CSMD3: variants seen among roughly 807,000 people sequenced by gnomAD.
The protein encoded by CSMD3 is CUB and Sushi multiple domains 3, also known as CUB and sushi domain-containing protein 3.
CSMD3 carries 177 observed loss-of-function variants against 435.2 expected under a neutral mutation model. The observed-to-expected ratio is 0.41, with a 90% confidence interval of 0.36 to 0.46. CSMD3 has a LOEUF of 0.46. CSMD3 is among the 20% of genes least tolerant of loss of function. The probability of loss-of-function intolerance (pLI) is 0.34; values close to 1 mark genes in which losing one functional copy is unlikely to be tolerated. For synonymous variants in CSMD3, 1,656 were observed against 1,520.5 expected (o/e 1.09, Z -2.07); for missense variants, 4,265 against 4,504.6 (o/e 0.95, Z 1.52).
chr8:113,148,399 C>T (rs141865202), intron 4 of CSMD3, among the ~76,000 whole-genome samples: 7 of 151,796 alleles, frequency 4.6e-5, no homozygotes, highest in African/African-American at 1.7e-4. Context: ...GTTATATGCT[C>T]TCGTAGAATA....
intron 58 of CSMD3, among the ~76,000 whole-genome samples, chr8:112,284,336 A>C (rs892292799): frequency 6.6e-6 from 1 of 151,828 alleles, no homozygotes; most frequent in Admixed American, 6.6e-5. Flanking sequence ...TTTTATTATA[A>C]ATTATTAAAG....
Position 112,991,529 on chromosome 8 carries a change from T to G in CSMD3, c.1031-15381A>C, listed in dbSNP as rs2085456299. Among the ~76,000 whole-genome samples the G allele has an allele frequency of 5.9e-5, 9 of 152,030 alleles. No individual in the cohort carries two copies. The South Asian group carries it at 1.9e-3, about 32-fold the overall frequency. On this transcript the variant is annotated intron_variant, in intron 6 of 70. Transcript: ENST00000297405. ...TTAAATATCACCGAATCTGTGCAGT[T>G]CTTGCTTTCCTGATAGAAAGAATAA...
chr8:113,376,718 C>G (rs772111838), intron 1 of CSMD3: 5 of 1,613,850 alleles, frequency 3.1e-6, no homozygotes, highest in Non-Finnish European at 4.2e-6. Context: ...CGCAAGGAGC[C>G]TAAGAGCCAG....
chr8:112,865,332 A>G (rs1001286032), intron 10 of CSMD3, among the ~76,000 whole-genome samples: 45 of 152,134 alleles, frequency 3.0e-4, no homozygotes, highest in Non-Finnish European at 1.5e-4. Context: ...CACAGAATAT[A>G]TCAACTGAGA....
At chr8:112,656,058 A>T in intron 18 of CSMD3, 96 bp downstream of exon 18, 1 of 696,328 alleles carries the variant, frequency 1.4e-6, no homozygotes, top group South Asian at 1.7e-5. Context: ...TTTGATTTAA[A>T]ATAAATAGAG....
intron 1 of CSMD3, among the ~76,000 whole-genome samples, chr8:113,342,459 G>C (rs1417141791): frequency 6.6e-6 from 1 of 152,052 alleles, no homozygotes; most frequent in South Asian, 2.1e-4. Context: ...AGAAAAAACT[G>C]CAATAAAATT....
intron 12 of CSMD3, among the ~76,000 whole-genome samples, chr8:112,816,767 C>A (rs1056630397): frequency 1.3e-5 from 2 of 151,712 alleles, no homozygotes; most frequent in Non-Finnish European, 2.9e-5. Flanking sequence ...ACAGAACTAT[C>A]TTTTCCATAA....
chr8:113,305,567 A>G (rs561864502), intron 2 of CSMD3, among the ~76,000 whole-genome samples: 1 of 152,182 alleles, frequency 6.6e-6, no homozygotes, highest in African/African-American at 2.4e-5. Flanking sequence ...TTTTAACCCC[A>G]GTTTTAATGG....
intron 13 of CSMD3, among the ~76,000 whole-genome samples, chr8:112,794,285 CTTTTTTTTTT>C (rs1203991072): frequency 3.1e-5 from 3 of 96,304 alleles, no homozygotes; most frequent in Non-Finnish European, 6.1e-5. Context: ...GACTGATAAA[CTTTTTTTTTT>C]TTTTTTTTTT....
intron 6 of CSMD3, among the ~76,000 whole-genome samples, chr8:112,986,557 C>G (rs2085260912): frequency 6.6e-6 from 1 of 152,002 alleles, no homozygotes; most frequent in Admixed American, 6.6e-5. Flanking sequence ...AGTCTTCAAC[C>G]ATTTTAGTAT....
rs2092445181 is a variant in CSMD3, at chr8:113,182,966, G to A, written c.515-9050C>T. On this transcript the variant is annotated intron_variant, in intron 3 of 70. Transcript: ENST00000297405. Reference sequence around the variant, plus strand: ...AGACCTGGTGGAGCAGAAAACAGATGGTTACAATACATAACCCCATGTGGG... The same window carrying A: ...AGACCTGGTGGAGCAGAAAACAGATAGTTACAATACATAACCCCATGTGGG... Among the ~76,000 whole-genome samples the A allele has an allele frequency of 2.0e-5, 3 of 151,964 alleles. No homozygotes were observed. In the South Asian group the frequency reaches 6.2e-4, roughly 31 times the overall value.
chr8:113,091,618 TTC>T (rs1456132047), intron 5 of CSMD3, among the ~76,000 whole-genome samples: 1 of 152,026 alleles, frequency 6.6e-6, no homozygotes, highest in Non-Finnish European at 1.5e-5. Flanking sequence ...TTATAATGTT[TTC>T]TTTTTCATCT....
At position 112,223,347 on chromosome 8, in the gene CSMD3, A is replaced by G. The variant is rs1812314921; in HGVS notation, c.*1424T>C. 2 of 323,700 alleles carry G rather than the reference A, an allele frequency of 6.2e-6. No homozygotes were observed. Among genetic ancestry groups the G allele is most frequent in the South Asian group, 3.2e-4 (2 of 6,270 alleles). The allele number at this position is 323,700 out of a possible 1,614,324, so 20.1% of individuals were successfully genotyped here. ...TTTCTCTTAGGCACTCTGTCTCATG[A>G]TACAAAAAGTCAAGACTGTTCACAG... On this transcript the variant is annotated 3_prime_UTR_variant, in exon 71 of 71. Coordinates refer to ENST00000297405, the MANE Select transcript of CSMD3 (RefSeq NM_198123.2).
chr8:113,416,294 A>C (rs1161541318), intron 1 of CSMD3, among the ~76,000 whole-genome samples: 1 of 152,160 alleles, frequency 6.6e-6, no homozygotes, highest in African/African-American at 2.4e-5. Context: ...GTTGTTCTAC[A>C]AAACTACAGA....
chr8:112,276,905 G>C (rs567793839), intron 59 of CSMD3, among the ~76,000 whole-genome samples: 2 of 151,982 alleles, frequency 1.3e-5, no homozygotes, highest in Non-Finnish European at 2.9e-5. Flanking sequence ...AGCCATGGGT[G>C]GGATGCAGGG....
At chr8:112,419,917 T>A (rs762283014) in intron 32 of CSMD3, among the ~76,000 whole-genome samples, 1 of 152,164 alleles carries the variant, frequency 6.6e-6, no homozygotes, top group Non-Finnish European at 1.5e-5. Context: ...CATTGTATGT[T>A]TAAAAGAATT....
chr8:113,407,561 C>CAT (rs1294749284), intron 1 of CSMD3, among the ~76,000 whole-genome samples: 1 of 151,654 alleles, frequency 6.6e-6, no homozygotes, highest in South Asian at 2.1e-4. Context: ...TACACACACA[C>CAT]ATATATATGT....
At chr8:113,354,373 T>C (rs1352446843) in intron 1 of CSMD3, among the ~76,000 whole-genome samples, 1 of 152,190 alleles carries the variant, frequency 6.6e-6, no homozygotes. Flanking sequence ...TGCTCTATCT[T>C]AGGGGAACCT....
At chr8:112,487,397 G>A (rs573304767) in intron 31 of CSMD3, among the ~76,000 whole-genome samples, 1 of 152,256 alleles carries the variant, frequency 6.6e-6, no homozygotes, top group South Asian at 2.1e-4. Flanking sequence ...AAGATGTGGG[G>A]CAGAAGTCTG....
Sources: allele counts gnomAD v4.1 joint callset (sites outside exome capture counted in the v4.1 genomes callset), GRCh38; gene constraint gnomAD v4.1.1; transcripts MANE v1.5; gene names NCBI Gene and HGNC (gene_info 2026-07-23, HGNC 2026-07-21).